Variants in SLC24A2 observed in about 807,000 individuals in gnomAD.
The protein encoded by SLC24A2 is sodium/potassium/calcium exchanger 2.
SLC24A2 carries 36 observed loss-of-function variants against 62.0 expected under a neutral mutation model. That is an observed-to-expected ratio of 0.58 (90% CI 0.44 to 0.77). The LOEUF is 0.77. Ranked by LOEUF, SLC24A2 falls within the 30% of genes least tolerant of loss-of-function variation. The pLI, the probability that SLC24A2 is intolerant of heterozygous loss-of-function variation, is 0.00. For missense variants in SLC24A2, 846 were observed against 817.9 expected (o/e 1.03, Z -0.42); for synonymous variants, 358 against 294.0 (o/e 1.22, Z -2.23).
At chr9:19,722,895 A>C (rs1821069156) in intron 2 of SLC24A2, among the ~76,000 whole-genome samples, 1 of 152,160 alleles carries the variant, frequency 6.6e-6, no homozygotes, top group Non-Finnish European at 1.5e-5. Context: ...TGAAGCTCGT[A>C]TGGAAAGACA....
At chr9:19,752,762 A>G (rs75254555) in intron 2 of SLC24A2, among the ~76,000 whole-genome samples, 2,836 of 152,214 alleles carry the variant, frequency 0.019, 88 homozygotes, top group African/African-American at 0.064. Context: ...CCTCACAACA[A>G]TCTTAGACAC....
At chr9:19,959,790 G>A in the SLC24A2 span, among the ~76,000 whole-genome samples, 2 of 152,124 alleles carry the variant, frequency 1.3e-5, no homozygotes, top group East Asian at 3.9e-4. Context: ...TTACTGTGCT[G>A]GGTAGTGTGT....
the SLC24A2 span, among the ~76,000 whole-genome samples, chr9:20,282,571 A>T: frequency 2.0e-5 from 3 of 152,224 alleles, no homozygotes; most frequent in Non-Finnish European, 4.4e-5. Context: ...GACAGATGCC[A>T]GCAGCAACCC....
At chr9:19,711,155 A>T (rs577968193) in intron 2 of SLC24A2, among the ~76,000 whole-genome samples, 1 of 152,180 alleles carries the variant, frequency 6.6e-6, no homozygotes, top group Non-Finnish European at 1.5e-5. Context: ...TGAGGTCAAA[A>T]CTATTTTCAT....
At chr9:19,552,971 TAGG>T (rs1295318138) in intron 7 of SLC24A2, among the ~76,000 whole-genome samples, 3 of 152,136 alleles carry the variant, frequency 2.0e-5, no homozygotes, top group African/African-American at 4.8e-5. Flanking sequence ...AGAAATGGAC[TAGG>T]AGAAGAGACT....
At chr9:20,300,101 G>GA in the SLC24A2 span, among the ~76,000 whole-genome samples, 1 of 152,224 alleles carries the variant, frequency 6.6e-6, no homozygotes, top group East Asian at 1.9e-4. Flanking sequence ...TGGTTGGATA[G>GA]ATGGGCAGAC....
chr9:19,709,516 C>T (rs1564055515), intron 2 of SLC24A2, among the ~76,000 whole-genome samples: 2 of 151,874 alleles, frequency 1.3e-5, no homozygotes. Context: ...AAATGTCCAA[C>T]AACGATAGAC....
chr9:19,726,745 G>T (rs1303921059), intron 2 of SLC24A2, among the ~76,000 whole-genome samples: 1 of 152,154 alleles, frequency 6.6e-6, no homozygotes, highest in African/African-American at 2.4e-5. Flanking sequence ...AAATTCATTT[G>T]CAGTTTACCA....
At chr9:20,228,678 G>A in the SLC24A2 span, among the ~76,000 whole-genome samples, 1 of 152,128 alleles carries the variant, frequency 6.6e-6, no homozygotes, top group African/African-American at 2.4e-5. Context: ...AGTCCTAGAA[G>A]AAAAGCAAAG....
chr9:19,729,295 T>G (rs1195991391), intron 2 of SLC24A2, among the ~76,000 whole-genome samples: 1 of 152,186 alleles, frequency 6.6e-6, no homozygotes, highest in Non-Finnish European at 1.5e-5. Context: ...ACGGCCGCTA[T>G]GGAAAATAGT....
At chr9:20,068,291 T>C in the SLC24A2 span, among the ~76,000 whole-genome samples, 1 of 152,112 alleles carries the variant, frequency 6.6e-6, no homozygotes, top group Non-Finnish European at 1.5e-5. Flanking sequence ...TGTGAACTCC[T>C]GACCTCGTAA....
the SLC24A2 span, among the ~76,000 whole-genome samples, chr9:19,941,590 T>TGTGTGTGTGTGTGAGAGAGA: frequency 7.8e-6 from 1 of 127,916 alleles, no homozygotes; most frequent in Non-Finnish European, 1.7e-5. Context: ...TGTGTGTGTG[T>TGTGTGTGTGTGTGAGAGAGA]GAGAGAGAGA....
At chr9:19,724,378 C>A (rs963999005) in intron 2 of SLC24A2, among the ~76,000 whole-genome samples, 4 of 152,146 alleles carry the variant, frequency 2.6e-5, no homozygotes, top group African/African-American at 9.7e-5. Flanking sequence ...AAGAGCAAGT[C>A]ATTATCTTTG....
At chr9:19,948,450 G>C in the SLC24A2 span, among the ~76,000 whole-genome samples, 1 of 152,196 alleles carries the variant, frequency 6.6e-6, no homozygotes, top group Admixed American at 6.5e-5. Context: ...TTTCCAGTTA[G>C]AGAAAAACGA....
chr9:20,057,860 A>G, the SLC24A2 span, among the ~76,000 whole-genome samples: 18 of 152,166 alleles, frequency 1.2e-4, no homozygotes, highest in African/African-American at 4.3e-4. Flanking sequence ...TGACTTTTAC[A>G]AGGTCAAGTT....
the SLC24A2 span, among the ~76,000 whole-genome samples, chr9:20,288,553 G>A: frequency 0.066 from 10,010 of 152,076 alleles, 506 homozygotes; most frequent in East Asian, 0.15. Context: ...TGGATCATTT[G>A]AGGCCAGGAG....
rs138957198 is a variant in SLC24A2 at position 19,710,812 on chromosome 9, C to T, written c.930+75125G>A. Among the ~76,000 whole-genome samples, 58 of 152,250 alleles carry T rather than the reference C, an allele frequency of 3.8e-4. 1 individual carries two copies. The highest frequency in any genetic ancestry group is 1.4e-3 in the African/African-American group (57 of 41,536). On this transcript the variant is annotated intron_variant, in intron 2 of 10. Transcript: ENST00000341998. Reference sequence around the variant, plus strand: ...AAAGACTAGAGACAAGCCAGGAGGACTGCAAATCAGCCAGCTAGGAGGGTG... The same window carrying T: ...AAAGACTAGAGACAAGCCAGGAGGATTGCAAATCAGCCAGCTAGGAGGGTG...
the SLC24A2 span, among the ~76,000 whole-genome samples, chr9:20,050,500 T>C: frequency 6.6e-6 from 1 of 152,166 alleles, no homozygotes; most frequent in East Asian, 1.9e-4. Flanking sequence ...TGTCTTTCAA[T>C]ATGGTGGAGG....
the SLC24A2 span, among the ~76,000 whole-genome samples, chr9:20,248,349 C>T: frequency 7.2e-5 from 11 of 152,224 alleles, no homozygotes; most frequent in African/African-American, 2.7e-4. Flanking sequence ...TTGGTTCGGG[C>T]TGCTATCACA....
Sources: allele counts gnomAD v4.1 joint callset (sites outside exome capture counted in the v4.1 genomes callset), GRCh38; gene constraint gnomAD v4.1.1; transcripts MANE v1.5; gene names NCBI Gene and HGNC (gene_info 2026-07-23, HGNC 2026-07-21).